The following MAPK8 variants were observed in gnomAD, a reference collection of about 807,000 sequenced individuals.
MAPK8 encodes the protein mitogen-activated protein kinase 8, also known as JUN N-terminal kinase.
In MAPK8, 13 loss-of-function variants were observed where a neutral mutation model predicts 52.9. The observed-to-expected ratio is 0.25, with a 90% CI of 0.16 to 0.39. The LOEUF (loss-of-function observed/expected upper bound fraction) is 0.39. Ranked by LOEUF, MAPK8 falls within the 10% of genes least tolerant of loss-of-function variation. The pLI is 1.00. For missense variants in MAPK8, 300 were observed against 519.2 expected (o/e 0.58, Z 4.10); for synonymous variants, 191 against 169.8 (o/e 1.12, Z -0.97).
intron 11 of MAPK8, among the ~76,000 whole-genome samples, chr10:48,433,259 A>G (rs1173780364): frequency 6.6e-6 from 1 of 152,230 alleles, no homozygotes; most frequent in Non-Finnish European, 1.5e-5. Context: ...TTTAAAAGTC[A>G]ATTTTTATCA....
At chr10:48,395,025 G>T (rs1185129012) in intron 1 of MAPK8, among the ~76,000 whole-genome samples, 2 of 151,854 alleles carry the variant, frequency 1.3e-5, no homozygotes, top group Non-Finnish European at 2.9e-5. Flanking sequence ...ACAGGCCTAT[G>T]GAAACAAGTG....
At chr10:48,332,877 T>TTC (rs2132264292) in intron 1 of MAPK8, among the ~76,000 whole-genome samples, 1 of 152,364 alleles carries the variant, frequency 6.6e-6, no homozygotes, top group East Asian at 1.9e-4. Context: ...TCAGTGTATA[T>TTC]AGTGCCTTTT....
At chr10:48,423,919 C>T (rs966626732) in intron 6 of MAPK8, among the ~76,000 whole-genome samples, 169 bp from the exon 7 acceptor site, 1 of 152,126 alleles carries the variant, frequency 6.6e-6, no homozygotes, top group Admixed American at 6.5e-5. Context: ...GTGAACCAGA[C>T]TTTCAAAAAA....
rs76346027 is a variant in MAPK8, at chr10:48,408,947, C to T, written c.253-932C>T. Among the ~76,000 whole-genome samples the T allele has an allele frequency of 6.6e-4, 101 of 152,288 alleles. 1 individual carries two copies. In the East Asian group the frequency reaches 0.017, roughly 26 times the overall value. On this transcript the variant is annotated intron_variant, in intron 3 of 11. Coordinates refer to ENST00000374189, the MANE Select transcript of MAPK8 (RefSeq NM_001323329.2). ...AGAGGGAGAGAAAAATTGCTCTTTT[C>T]GTCTTCCCTTGTTTTAGGCCACTAA...
chr10:48,307,369 C>T (rs1841483066), intron 1 of MAPK8, among the ~76,000 whole-genome samples: 1 of 152,154 alleles, frequency 6.6e-6, no homozygotes, highest in Non-Finnish European at 1.5e-5. Context: ...TGAAAAGGGC[C>T]AGAGTGGCCT....
At chr10:48,353,163 A>C (rs548619316) in intron 1 of MAPK8, among the ~76,000 whole-genome samples, 4 of 152,216 alleles carry the variant, frequency 2.6e-5, no homozygotes, top group African/African-American at 9.6e-5. Context: ...ATAAATGACT[A>C]TTTTCCTAAA....
At position 48,386,891 on chromosome 10, in the gene MAPK8, C is replaced by T. The variant is rs1403172051; in HGVS notation, c.-49-14721C>T. The stretch of plus-strand genomic sequence containing the variant: ...AAGTCTTGAGATCTTTAATAAATAA[C>T]TTGAATGTCTGAATGACTTGGAAAC... On this transcript the variant is annotated intron_variant, in intron 1 of 11. Transcript: ENST00000374189. Among the ~76,000 whole-genome samples, 5 of 152,250 alleles carry T rather than the reference C, an allele frequency of 3.3e-5. No homozygotes were observed. The East Asian group carries it at 9.6e-4, about 29-fold the overall frequency.
At chr10:48,325,079 G>A (rs1259717391) in intron 1 of MAPK8, among the ~76,000 whole-genome samples, 1 of 151,840 alleles carries the variant, frequency 6.6e-6, no homozygotes, top group African/African-American at 2.4e-5. Context: ...GGGTTCAAGC[G>A]ATTCTCTCAC....
chr10:48,342,078 A>G (rs1454961783), intron 1 of MAPK8, among the ~76,000 whole-genome samples: 1 of 152,170 alleles, frequency 6.6e-6, no homozygotes, highest in African/African-American at 2.4e-5. Flanking sequence ...ATCACACAAG[A>G]CTGAGTACAA....
At position 48,435,905 on chromosome 10, in the gene MAPK8, A is replaced by G. The variant is rs1030171007; in HGVS notation, c.*876A>G. 3.3e-5 allele frequency: 5 copies of G among 152,238 alleles called. No homozygotes were observed. Among genetic ancestry groups the G allele is most frequent in the African/African-American group, 1.2e-4 (5 of 41,460 alleles). The allele number at this position is 152,238 out of a possible 1,614,324, so 9.4% of individuals were successfully genotyped here. On this transcript the variant is annotated 3_prime_UTR_variant, in exon 12 of 12. Transcript: ENST00000374189. ...TAGCTATGAGCCTGTTTTTGTATACACTGAGTTAATCTACTCAGGCTGTAG... is the reference window on the plus strand; with the variant it reads ...TAGCTATGAGCCTGTTTTTGTATACGCTGAGTTAATCTACTCAGGCTGTAG...
At chr10:48,411,039 A>G (rs1209181067) in intron 5 of MAPK8, among the ~76,000 whole-genome samples, 1 of 152,224 alleles carries the variant, frequency 6.6e-6, no homozygotes, top group Admixed American at 6.5e-5. Flanking sequence ...TTTATCAGGT[A>G]TATAATTTGT....
chr10:48,414,448 A>T (rs373332865), intron 5 of MAPK8, among the ~76,000 whole-genome samples: 29 of 133,780 alleles, frequency 2.2e-4, no homozygotes, highest in South Asian at 4.7e-4. Context: ...TATTGAGAGG[A>T]TTTTTTTTTT....
At chr10:48,377,165 A>G (rs182733015) in intron 1 of MAPK8, among the ~76,000 whole-genome samples, 49 of 152,264 alleles carry the variant, frequency 3.2e-4, no homozygotes, top group African/African-American at 1.1e-3. Context: ...GAGTTGAACA[A>G]TGGGAACACA....
At chr10:48,419,315 G>A (rs780121267) in intron 5 of MAPK8, among the ~76,000 whole-genome samples, 7 of 152,152 alleles carry the variant, frequency 4.6e-5, no homozygotes, top group Non-Finnish European at 8.8e-5. Flanking sequence ...GTAATACAGT[G>A]CATTTGTGTT....
intron 1 of MAPK8, among the ~76,000 whole-genome samples, chr10:48,317,759 C>G (rs181837893): frequency 1.3e-5 from 2 of 152,060 alleles, no homozygotes; most frequent in African/African-American, 4.8e-5. Flanking sequence ...AGGTGAAGGC[C>G]TATTCTCCTG....
At position 48,404,026 on chromosome 10, in the gene MAPK8, A is replaced by G. The variant is rs903733506; in HGVS notation, c.123-826A>G. Among the ~76,000 whole-genome samples, 3 of 149,502 alleles carry G rather than the reference A, an allele frequency of 2.0e-5. No homozygotes were observed. The East Asian group carries it at 5.9e-4, about 29-fold the overall frequency. ...TCTCGATCTCCTGATCTCGTGATCTACCCGCCTCGGCCTCCCAAAGTGCTG... is the reference window on the plus strand; with the variant it reads ...TCTCGATCTCCTGATCTCGTGATCTGCCCGCCTCGGCCTCCCAAAGTGCTG... On this transcript the variant is annotated intron_variant, in intron 2 of 11. Coordinates refer to ENST00000374189, the MANE Select transcript of MAPK8 (RefSeq NM_001323329.2).
intron 1 of MAPK8, among the ~76,000 whole-genome samples, chr10:48,354,467 T>G (rs1846650905): frequency 6.6e-6 from 1 of 152,214 alleles, no homozygotes; most frequent in South Asian, 2.1e-4. Flanking sequence ...CCTTCAAGAT[T>G]GCAGGGAAAG....
chr10:48,365,969 A>G (rs1235420965), intron 1 of MAPK8, among the ~76,000 whole-genome samples: 1 of 152,160 alleles, frequency 6.6e-6, no homozygotes, highest in African/African-American at 2.4e-5. Context: ...GTAGCATGTT[A>G]CATGCCATAG....
At chr10:48,338,908 A>G (rs1844963053) in intron 1 of MAPK8, among the ~76,000 whole-genome samples, 1 of 152,126 alleles carries the variant, frequency 6.6e-6, no homozygotes. Flanking sequence ...AAAGAACTGT[A>G]AAACACTGAT....
Sources: allele counts gnomAD v4.1 joint callset (sites outside exome capture counted in the v4.1 genomes callset), GRCh38; gene constraint gnomAD v4.1.1; transcripts MANE v1.5; gene names NCBI Gene and HGNC (gene_info 2026-07-23, HGNC 2026-07-21).